STIM1: variants seen among roughly 807,000 people sequenced by gnomAD.
The protein encoded by STIM1 is stromal interaction molecule 1.
STIM1 carries 25 observed loss-of-function variants against 74.7 expected under a neutral mutation model. That is an observed-to-expected ratio of 0.33 (90% CI 0.24 to 0.47). The LOEUF is 0.47. Among genes scored for constraint, STIM1 ranks in the 20% least tolerant of loss-of-function variants. The pLI is 1.00. For missense variants in STIM1, 728 were observed against 920.8 expected (o/e 0.79, Z 2.71); for synonymous variants, 328 against 348.8 (o/e 0.94, Z 0.66).
chr11:3,997,985 G>A (rs949772303), intron 2 of STIM1, among the ~76,000 whole-genome samples: 4 of 152,074 alleles, frequency 2.6e-5, no homozygotes, highest in African/African-American at 4.8e-5. Context: ...GAAAATATCC[G>A]TTTTCTACCT....
intron 1 of STIM1, among the ~76,000 whole-genome samples, chr11:3,958,969 C>T (rs61897195): frequency 0.075 from 11,070 of 147,830 alleles, 729 homozygotes; most frequent in East Asian, 0.18. Context: ...AAAAAAAAGA[C>T]TTTACATTTC....
chr11:3,990,900 A>T (rs559925931), intron 2 of STIM1, among the ~76,000 whole-genome samples: 1 of 151,996 alleles, frequency 6.6e-6, no homozygotes, highest in South Asian at 2.1e-4. Context: ...GATTCTATTG[A>T]TTTTCTTATG....
At chr11:4,071,426 C>T (rs2094402864) in intron 6 of STIM1, among the ~76,000 whole-genome samples, 1 of 152,152 alleles carries the variant, frequency 6.6e-6, no homozygotes, top group Non-Finnish European at 1.5e-5. Context: ...ACATGGCTCA[C>T]TGCAGCCTCC....
intron 7 of STIM1, among the ~76,000 whole-genome samples, chr11:4,076,045 A>G (rs2094435342): frequency 6.6e-6 from 1 of 152,088 alleles, no homozygotes; most frequent in Non-Finnish European, 1.5e-5. Context: ...CATTATTTAT[A>G]TATTTTGGAT....
Position 3,902,331 on chromosome 11 carries a change from G to T in STIM1, c.139+45922G>T, listed in dbSNP as rs1394220948. ...AGAAGCTTGGGAGGCATTTAGATTG[G>T]AAAATGACCTGAGTGAAAATAGGAG... On this transcript the variant is annotated intron_variant, in intron 1 of 12. Transcript: ENST00000526596. 2.6e-5 allele frequency among the ~76,000 whole-genome samples: 4 copies of T among 152,144 alleles called. No homozygotes were observed. In the East Asian group the frequency reaches 7.7e-4, roughly 29 times the overall value.
intron 7 of STIM1, among the ~76,000 whole-genome samples, chr11:4,077,900 TTCTA>T (rs1374897769): frequency 2.0e-5 from 3 of 152,224 alleles, no homozygotes; most frequent in Non-Finnish European, 4.4e-5. Context: ...TGTCCAGAAT[TTCTA>T]TCTTTTATCT....
At chr11:4,066,205 CA>C in intron 5 of STIM1, among the ~76,000 whole-genome samples, 1 of 152,306 alleles carries the variant, frequency 6.6e-6, no homozygotes, top group East Asian at 1.9e-4. Flanking sequence ...TTCACCTAGC[CA>C]GCCACATCTG....
At chr11:4,004,757 G>A (rs1215153932) in intron 2 of STIM1, among the ~76,000 whole-genome samples, 8 of 151,954 alleles carry the variant, frequency 5.3e-5, no homozygotes, top group Non-Finnish European at 1.0e-4. Flanking sequence ...AAACTAAAGA[G>A]CTTCTGCACA....
Position 3,932,906 on chromosome 11 carries a change from T to G in STIM1, c.140-34646T>G, listed in dbSNP as rs537269805. ...TTTTGTCATAGCAGCTTGAATGGAC[T>G]AAGACAGGCTCCTCTACAGAGTTGA... On this transcript the variant is annotated intron_variant, in intron 1 of 12. Transcript: ENST00000526596. 1.1e-3 allele frequency among the ~76,000 whole-genome samples: 172 copies of G among 152,314 alleles called. 1 individual carries two copies. Among genetic ancestry groups the G allele is most frequent in the African/African-American group, 3.9e-3 (164 of 41,574 alleles).
At chr11:3,920,988 G>A (rs941141799) in intron 1 of STIM1, among the ~76,000 whole-genome samples, 7 of 151,986 alleles carry the variant, frequency 4.6e-5, no homozygotes, top group African/African-American at 1.5e-4. Context: ...TAGAGACGGG[G>A]TTTCACCATG....
chr11:3,897,380 A>G (rs983569268), intron 1 of STIM1, among the ~76,000 whole-genome samples: 5 of 152,198 alleles, frequency 3.3e-5, no homozygotes, highest in Non-Finnish European at 5.9e-5. Context: ...GCGATGGAGA[A>G]GATGATGTAA....
rs181452890 is a variant in STIM1 at position 3,872,666 on chromosome 11, C to T, written c.139+16257C>T. ...CCTCCCGAGTAGCTGGGACTATAGG[C>T]GCCCACCACCACGCCCGGCTAATTT... is the stretch of plus-strand genomic sequence containing the variant. On this transcript the variant is annotated intron_variant, in intron 1 of 12. Transcript: ENST00000526596. 9.1e-3 allele frequency among the ~76,000 whole-genome samples: 1,372 copies of T among 151,530 alleles called. 16 individuals carry two copies. The highest frequency in any genetic ancestry group is 0.031 in the African/African-American group (1,296 of 41,274).
chr11:4,083,806 T>C (rs2094478041), intron 10 of STIM1, among the ~76,000 whole-genome samples: 1 of 152,248 alleles, frequency 6.6e-6, no homozygotes, highest in African/African-American at 2.4e-5. Context: ...AAATATGTCC[T>C]TTAGTGAATT....
intron 1 of STIM1, among the ~76,000 whole-genome samples, chr11:3,959,730 C>T (rs1010829382): frequency 1.3e-5 from 2 of 152,154 alleles, no homozygotes; most frequent in African/African-American, 4.8e-5. Flanking sequence ...CAATAGCTAT[C>T]AAAGTGTAGT....
chr11:3,911,239 C>T (rs1021672729), intron 1 of STIM1, among the ~76,000 whole-genome samples: 5 of 152,168 alleles, frequency 3.3e-5, no homozygotes, highest in African/African-American at 7.2e-5. Flanking sequence ...CACCTCTGCT[C>T]AGAAGTCTAT....
At chr11:3,977,369 T>C (rs2093458583) in intron 2 of STIM1, among the ~76,000 whole-genome samples, 1 of 152,236 alleles carries the variant, frequency 6.6e-6, no homozygotes, top group African/African-American at 2.4e-5. Context: ...GATCTACTTA[T>C]GACTTCTGTT....
chr11:4,022,633 G>T (rs1056095019), intron 2 of STIM1, among the ~76,000 whole-genome samples: 3 of 152,100 alleles, frequency 2.0e-5, no homozygotes, highest in Admixed American at 6.6e-5. Flanking sequence ...TTGTGTTGAG[G>T]TATATTCCTT....
intron 2 of STIM1, among the ~76,000 whole-genome samples, chr11:3,977,827 A>G (rs141404943): frequency 2.0e-5 from 3 of 152,216 alleles, no homozygotes; most frequent in Non-Finnish European, 4.4e-5. Flanking sequence ...CCCTAGCACA[A>G]TGCCTGGTAC....
Position 3,959,031 on chromosome 11 carries a change from C to T in STIM1, c.140-8521C>T, listed in dbSNP as rs142959663. The stretch of plus-strand genomic sequence containing the variant: ...TCCCTCACCTCATCCCCATTCTAGG[C>T]CCCATGCTATTTTATCTCTTGAACT... On this transcript the variant is annotated intron_variant, in intron 1 of 12. Transcript: ENST00000526596. Among the ~76,000 whole-genome samples the T allele has an allele frequency of 9.4e-3, 1,429 of 152,042 alleles. 26 individuals carry two copies. Among genetic ancestry groups the T allele is most frequent in the African/African-American group, 0.033 (1,351 of 41,462 alleles).
Sources: allele counts gnomAD v4.1 joint callset (sites outside exome capture counted in the v4.1 genomes callset), GRCh38; gene constraint gnomAD v4.1.1; transcripts MANE v1.5; gene names NCBI Gene and HGNC (gene_info 2026-07-23, HGNC 2026-07-21).